The following TSPAN9 variants were observed in gnomAD, a reference collection of about 807,000 sequenced individuals.
TSPAN9 encodes tetraspanin 9, also known as tetraspanin-9.
TSPAN9 carries 16 observed loss-of-function variants against 31.0 expected under a neutral mutation model. That is an observed-to-expected ratio of 0.52 (90% CI 0.35 to 0.78). The LOEUF is 0.78. TSPAN9 is among the 30% of genes least tolerant of loss of function. The probability of loss-of-function intolerance (pLI) is 0.01; values close to 1 mark genes in which losing one functional copy is unlikely to be tolerated. For missense variants in TSPAN9, 272 were observed against 312.5 expected, an observed-to-expected ratio of 0.87 and a Z score of 0.98; for synonymous variants, 145 against 121.6, an observed-to-expected ratio of 1.19 and a Z score of -1.27.
Position 3,206,513 on chromosome 12 carries a change from C to T in TSPAN9, c.63+5257C>T. 3 of 289,436 alleles carry T rather than the reference C, an allele frequency of 1.0e-5. 1 individual carries two copies. Among genetic ancestry groups the T allele is most frequent in the East Asian group, 8.6e-5 (1 of 11,606 alleles). The allele number at this position is 289,436 out of a possible 1,614,324, so 17.9% of individuals were successfully genotyped here. On this transcript the variant is annotated intron_variant, in intron 3 of 8. Coordinates refer to ENST00000011898, the MANE Select transcript of TSPAN9 (RefSeq NM_006675.5). The stretch of plus-strand genomic sequence containing the variant: ...CCTCCCCTCTACACCCACACAGCCA[C>T]TTTCTGACTCTCCTGCTCTGAAATG...
chr12:3,218,736 T>C (rs971163233), intron 3 of TSPAN9, among the ~76,000 whole-genome samples: 8 of 152,150 alleles, frequency 5.3e-5, no homozygotes, highest in Non-Finnish European at 1.2e-4. Context: ...CCGCCTCCCT[T>C]CCTCTCTGCA....
intron 2 of TSPAN9, among the ~76,000 whole-genome samples, chr12:3,194,434 C>G (rs967912883): frequency 3.3e-5 from 5 of 152,110 alleles, no homozygotes; most frequent in Non-Finnish European, 7.3e-5. Flanking sequence ...GTCACCCAAG[C>G]AAAGTGTGGT....
At position 3,107,011 on chromosome 12, in the gene TSPAN9, C is replaced by T. The variant is rs1236208679; in HGVS notation, c.-18+23292C>T. Among the ~76,000 whole-genome samples the T allele has an allele frequency of 2.6e-5, 4 of 152,152 alleles. No individual in the cohort carries two copies. The East Asian group carries it at 5.8e-4, about 22-fold the overall frequency. On this transcript the variant is annotated intron_variant, in intron 2 of 8. Coordinates refer to ENST00000011898, the MANE Select transcript of TSPAN9 (RefSeq NM_006675.5). This position sits in a 1 kb window ranked among gnomAD's most constrained non-coding sequence, Gnocchi z 4.1. ...TTGGGAAGGAAAGGCTCCCTCCTGGCTGCTCAGATCCCAGCGGGTTTCCAG... is the reference window on the plus strand; with the variant it reads ...TTGGGAAGGAAAGGCTCCCTCCTGGTTGCTCAGATCCCAGCGGGTTTCCAG...
At chr12:3,088,251 G>A (rs1383367479) in intron 2 of TSPAN9, among the ~76,000 whole-genome samples, 1 of 152,258 alleles carries the variant, frequency 6.6e-6, no homozygotes, top group African/African-American at 2.4e-5. Flanking sequence ...GCAAAGACCT[G>A]AGTGAGGAAG....
chr12:3,259,641 A>G (rs956068088), intron 3 of TSPAN9, among the ~76,000 whole-genome samples: 1 of 152,260 alleles, frequency 6.6e-6, no homozygotes, highest in Non-Finnish European at 1.5e-5. Context: ...TGAGCCAGCC[A>G]TGTGACTACC....
chr12:3,239,228 A>AAAAAGAGGGAGAGGGGCAAGGC (rs2098395351), intron 3 of TSPAN9, among the ~76,000 whole-genome samples: 1 of 151,326 alleles, frequency 6.6e-6, no homozygotes, highest in African/African-American at 2.4e-5. Context: ...GTGGGTAGTG[A>AAAAAGAGGGAGAGGGGCAAGGC]GTGGTGGGGC....
intron 3 of TSPAN9, among the ~76,000 whole-genome samples, chr12:3,262,721 G>A (rs933527321): frequency 1.3e-5 from 2 of 151,406 alleles, no homozygotes; most frequent in African/African-American, 2.5e-5. Context: ...GCACAGCTCC[G>A]CTCGTTCCAG....
intron 3 of TSPAN9, among the ~76,000 whole-genome samples, chr12:3,243,604 G>C (rs936445302): frequency 6.6e-6 from 1 of 152,174 alleles, no homozygotes; most frequent in Non-Finnish European, 1.5e-5. Flanking sequence ...AGCTTCAGTC[G>C]TGGGGACCGA....
At chr12:3,116,331 G>T (rs1367773440) in intron 2 of TSPAN9, among the ~76,000 whole-genome samples, 1 of 152,192 alleles carries the variant, frequency 6.6e-6, no homozygotes, top group Non-Finnish European at 1.5e-5. Context: ...AATCCTCTCT[G>T]AGTCACAGTT....
chr12:3,259,780 C>T (rs529724174), intron 3 of TSPAN9, among the ~76,000 whole-genome samples: 47 of 152,322 alleles, frequency 3.1e-4, no homozygotes, highest in Non-Finnish European at 3.5e-4. Context: ...CAGGTCTTGT[C>T]GGCCGTGGGA....
At chr12:3,079,771 ATT>A (rs34675914) in intron 1 of TSPAN9, among the ~76,000 whole-genome samples, 15 of 129,642 alleles carry the variant, frequency 1.2e-4, no homozygotes, top group Admixed American at 3.2e-4. Flanking sequence ...CCCTTCTTCT[ATT>A]TTTTTTTTTT....
intron 2 of TSPAN9, among the ~76,000 whole-genome samples, chr12:3,084,952 T>G (rs1359015837): frequency 6.6e-6 from 1 of 152,204 alleles, no homozygotes; most frequent in African/African-American, 2.4e-5. Context: ...TAAGTCCTCC[T>G]CCCGCCTCCC....
chr12:3,252,309 CTG>C (rs1862257610), intron 3 of TSPAN9, among the ~76,000 whole-genome samples: 1 of 152,204 alleles, frequency 6.6e-6, no homozygotes, highest in Admixed American at 6.5e-5. Flanking sequence ...GCAGGTGAGA[CTG>C]GAATGGCGTT....
At chr12:3,263,661 G>A (rs1162424527) in intron 3 of TSPAN9, among the ~76,000 whole-genome samples, 1 of 152,212 alleles carries the variant, frequency 6.6e-6, no homozygotes, top group Non-Finnish European at 1.5e-5. Context: ...GCCCAGCATT[G>A]TGCTTGATAC....
intron 1 of TSPAN9, among the ~76,000 whole-genome samples, chr12:3,082,857 ATT>A (rs1021555003): frequency 1.2e-4 from 19 of 152,048 alleles, no homozygotes; most frequent in Non-Finnish European, 1.9e-4. Context: ...ATGGATTCTA[ATT>A]CCCTCTGATG....
At chr12:3,191,390 CT>C (rs1469242510) in intron 2 of TSPAN9, among the ~76,000 whole-genome samples, 7 of 152,150 alleles carry the variant, frequency 4.6e-5, no homozygotes, top group African/African-American at 7.2e-5. Flanking sequence ...AGCTGCCCCC[CT>C]GCCAGGGTGC....
intron 2 of TSPAN9, among the ~76,000 whole-genome samples, chr12:3,112,906 C>T (rs1023409375): frequency 1.3e-5 from 2 of 152,070 alleles, no homozygotes; most frequent in African/African-American, 2.4e-5. Context: ...GTCTCGAACT[C>T]CTGGCTCCTG....
At position 3,098,502 on chromosome 12, in the gene TSPAN9, TC is replaced by T. The variant is rs1025388348; in HGVS notation, c.-18+14785del. 4.3e-4 allele frequency among the ~76,000 whole-genome samples: 65 copies of T among 152,266 alleles called. 1 individual carries two copies. The highest frequency in any genetic ancestry group is 1.6e-3 in the African/African-American group (65 of 41,552). On this transcript the variant is annotated intron_variant, in intron 2 of 8. Coordinates refer to ENST00000011898, the MANE Select transcript of TSPAN9 (RefSeq NM_006675.5). ...CACCTGTCTAGAACAAGGTGGTTCA[TC>T]CTTGGCCTGCAAGGGAGGGCTGAGT...
intron 3 of TSPAN9, among the ~76,000 whole-genome samples, chr12:3,220,404 A>G (rs2098383809): frequency 6.6e-6 from 1 of 152,316 alleles, no homozygotes; most frequent in African/African-American, 2.4e-5. Flanking sequence ...GCGTGGGTCT[A>G]GGGTGCATGG....
Sources: gnomAD v4.1 joint callset for allele counts (sites outside exome capture counted in the v4.1 genomes callset) on GRCh38, gnomAD v4.1.1 for gene constraint, Gnocchi (gnomAD v3.1) non-coding constraint, MANE v1.5 for transcripts, NCBI Gene and HGNC (gene_info 2026-07-23, HGNC 2026-07-21) for gene names.